RIMS1: variants seen among roughly 807,000 people sequenced by gnomAD.
RIMS1 encodes the protein regulating synaptic membrane exocytosis protein 1.
A neutral mutation model predicts 214.1 loss-of-function variants in RIMS1; 83 were observed. The ratio of observed to expected loss-of-function variants is 0.39; its 90% confidence interval spans 0.32 to 0.47. The LOEUF is 0.47. Ranked by LOEUF, RIMS1 falls within the 20% of genes least tolerant of loss-of-function variation. The pLI, the probability that RIMS1 is intolerant of heterozygous loss-of-function variation, is 0.99. For missense variants in RIMS1, 2,050 were observed against 2,161.8 expected, an observed-to-expected ratio of 0.95 and a Z score of 1.03; for synonymous variants, 793 against 786.8, an observed-to-expected ratio of 1.01 and a Z score of -0.13.
intron 33 of RIMS1, 32 bp downstream of exon 33, chr6:72,399,126 G>T: frequency 1.3e-6 from 2 of 1,547,500 alleles, no homozygotes; most frequent in South Asian, 1.3e-5. Flanking sequence ...TTTTTACATT[G>T]AAATGTCTGT....
chr6:72,283,827 C>CT (rs1470514736), intron 23 of RIMS1, among the ~76,000 whole-genome samples: 2 of 152,134 alleles, frequency 1.3e-5, no homozygotes, highest in East Asian at 3.8e-4. Context: ...CTCGTGTCTT[C>CT]TATTGGGCAA....
chr6:71,887,901 A>C (rs1768314531), intron 1 of RIMS1, among the ~76,000 whole-genome samples: 1 of 151,982 alleles, frequency 6.6e-6, no homozygotes. Flanking sequence ...GCTGACAGGG[A>C]CTCTGGCCTG....
At chr6:72,009,449 G>A (rs1252809189) in intron 2 of RIMS1, among the ~76,000 whole-genome samples, 2 of 152,166 alleles carry the variant, frequency 1.3e-5, no homozygotes, top group African/African-American at 4.8e-5. Context: ...TCAAAAGCTA[G>A]CAGAAGGCAA....
intron 1 of RIMS1, among the ~76,000 whole-genome samples, chr6:71,966,673 C>G (rs1231112013): frequency 2.0e-5 from 3 of 152,118 alleles, no homozygotes; most frequent in Non-Finnish European, 2.9e-5. Context: ...AGGCATACCC[C>G]ACACACCCGG....
chr6:72,083,716 C>T (rs191463189), intron 2 of RIMS1, among the ~76,000 whole-genome samples: 5 of 152,306 alleles, frequency 3.3e-5, no homozygotes, highest in Admixed American at 6.5e-5. Flanking sequence ...ATAGGCTACA[C>T]ACGGTGCTAA....
At chr6:71,982,116 T>C (rs1323943716) in intron 2 of RIMS1, among the ~76,000 whole-genome samples, 2 of 152,118 alleles carry the variant, frequency 1.3e-5, no homozygotes, top group African/African-American at 4.8e-5. Flanking sequence ...CATCTTTCAT[T>C]TTATCACTTT....
In RIMS1 at chr6:72,325,069, G is replaced by A. The variant is rs113925202; in HGVS notation, c.4131-8531G>A. Reference sequence around the variant, plus strand: ...CAACCTTTTCACCAAGAAATATCCTGACCCAGGTAGATCCTGATAATTACA... The same window carrying A: ...CAACCTTTTCACCAAGAAATATCCTAACCCAGGTAGATCCTGATAATTACA... On this transcript the variant is annotated intron_variant, in intron 28 of 33. Coordinates refer to ENST00000521978, the MANE Select transcript of RIMS1 (RefSeq NM_014989.7). 5.0e-4 allele frequency among the ~76,000 whole-genome samples: 76 copies of A among 151,858 alleles called. 1 individual carries two copies. The highest frequency in any genetic ancestry group is 1.6e-3 in the African/African-American group (66 of 41,470).
At chr6:72,092,383 C>T (rs183110595) in intron 2 of RIMS1, among the ~76,000 whole-genome samples, 36 of 149,794 alleles carry the variant, frequency 2.4e-4, no homozygotes, top group Middle Eastern at 7.0e-3. Flanking sequence ...TTGACAGGGA[C>T]CTGAGTTGGA....
chr6:72,095,154 G>A (rs1248675937), intron 2 of RIMS1, among the ~76,000 whole-genome samples: 8 of 143,864 alleles, frequency 5.6e-5, no homozygotes, highest in Admixed American at 2.8e-4. Flanking sequence ...TAGTAGAGGC[G>A]GGGTTTCACA....
chr6:71,978,033 G>GATGA (rs1797589709), intron 2 of RIMS1, among the ~76,000 whole-genome samples: 2 of 152,296 alleles, frequency 1.3e-5, no homozygotes, highest in South Asian at 4.1e-4. Context: ...TGGCAGCTGA[G>GATGA]ATGAAGCATG....
intron 1 of RIMS1, among the ~76,000 whole-genome samples, chr6:71,929,024 A>C (rs1782330944): frequency 1.3e-5 from 2 of 152,146 alleles, no homozygotes; most frequent in Admixed American, 1.3e-4. Flanking sequence ...AGAGACTGAA[A>C]GGCTTCATTT....
intron 4 of RIMS1, among the ~76,000 whole-genome samples, chr6:72,120,484 CA>C (rs569067327): frequency 0.011 from 1,727 of 152,040 alleles, 42 homozygotes; most frequent in Non-Finnish European, 0.018. Flanking sequence ...ATCCTTTGCC[CA>C]CTTGTTGATG....
intron 24 of RIMS1, among the ~76,000 whole-genome samples, chr6:72,284,563 G>A (rs1034683290): frequency 6.6e-6 from 1 of 151,860 alleles, no homozygotes; most frequent in African/African-American, 2.4e-5. Flanking sequence ...TATTCTACTG[G>A]TATATTATAA....
At position 72,182,383 on chromosome 6, in the gene RIMS1, C is replaced by A. The variant is rs2048517712; in HGVS notation, c.912C>A (p.Ala304=). 1 of 1,613,706 alleles carries A rather than the reference C, an allele frequency of 6.2e-7. No homozygotes were observed. The highest frequency in any genetic ancestry group is 8.5e-7 in the Non-Finnish European group (1 of 1,179,876). ...CCTCAGCGCAGCCCGTGGAGGGGGC[C>A]GTCGAAGAACGGGAGCGCAAAGAAA... The part of the protein sequence containing the change: ...PKTSAQPVEG[A]VEERERKERR... Residue 304 remains alanine (A), a synonymous_variant, in exon 6 of 34, where the codon GCC becomes GCA. Coordinates refer to ENST00000521978, the MANE Select transcript of RIMS1 (RefSeq NM_014989.7).
In RIMS1 at chr6:72,333,726, T is replaced by C. The variant is rs1463488228; in HGVS notation, c.4257T>C (p.Ala1419=). The C allele has an allele frequency of 1.3e-6, 2 of 1,599,320 alleles. No individual in the cohort carries two copies. Among genetic ancestry groups the C allele is most frequent in the African/African-American group, 2.7e-5 (2 of 74,694 alleles). The change falls in exon 29 of 34, where the codon GCT becomes GCC. Residue 1419 remains alanine (A), a synonymous_variant. Transcript: ENST00000521978. ...EHNDGSQSDT[A]VGTVGAGGKK... is the part of the protein sequence containing the mutation. The stretch of plus-strand genomic sequence containing the variant: ...ATGACGGCAGCCAGTCAGACACAGC[T>C]GTGGGTACAGTTGGAGCAGGTGGAA...
chr6:72,182,607 C>T lies in RIMS1; in HGVS notation c.1136C>T (p.Ala379Val), dbSNP rs2048534338. 16 of 1,547,646 alleles carry T rather than the reference C, an allele frequency of 1.0e-5. No homozygotes were observed. Among genetic ancestry groups the T allele is most frequent in the Non-Finnish European group, 1.2e-5 (14 of 1,146,438 alleles). The change falls in exon 6 of 34, where the codon GCC (alanine) becomes GTC (valine). Residue 379 changes from alanine (A) to valine (V), a missense_variant. By Grantham distance (64) the Ala-to-Val change is moderately conservative. Coordinates refer to ENST00000521978, the MANE Select transcript of RIMS1 (RefSeq NM_014989.7). ...PPEEQQMRMH[A>V]RVSRARHERR... ...GAGGAGCAGCAGATGCGCATGCACG[C>T]CCGGGTGTCCCGCGCCAGGCACGAG... is the stretch of plus-strand genomic sequence containing the variant.
At chr6:72,344,868 A>C (rs1371459430) in intron 29 of RIMS1, among the ~76,000 whole-genome samples, 2 of 151,814 alleles carry the variant, frequency 1.3e-5, no homozygotes, top group Non-Finnish European at 2.9e-5. Flanking sequence ...TGGCTAAGAT[A>C]TAGATATACT....
In RIMS1 at chr6:72,320,062, A is replaced by G. The variant is rs79468356; in HGVS notation, c.4130+6390A>G. 9.5e-3 allele frequency among the ~76,000 whole-genome samples: 1,446 copies of G among 152,276 alleles called. 9 individuals carry two copies. The highest frequency in any genetic ancestry group is 0.012 in the Non-Finnish European group (820 of 67,982). ...CACATAATATAGTGCAACGGCATTT[A>G]AAATTCGAATTTTGATTACTAATAT... On this transcript the variant is annotated intron_variant, in intron 28 of 33. Transcript: ENST00000521978.
At chr6:72,312,389 T>C (rs1482115759) in intron 27 of RIMS1, among the ~76,000 whole-genome samples, 1 of 151,982 alleles carries the variant, frequency 6.6e-6, no homozygotes, top group African/African-American at 2.4e-5. Context: ...CAGTTATTTA[T>C]AGTTATGTAA....
Sources: gnomAD v4.1 joint callset for allele counts (sites outside exome capture counted in the v4.1 genomes callset) on GRCh38, gnomAD v4.1.1 for gene constraint, MANE v1.5 for transcripts, NCBI Gene and HGNC (gene_info 2026-07-23, HGNC 2026-07-21) for gene names.